Variants in SWAP70 observed in about 807,000 individuals in gnomAD.
SWAP70 encodes the protein switching B cell complex subunit SWAP70.
Under a neutral mutation model 80.2 loss-of-function variants are expected in SWAP70, and 34 were observed. The ratio of observed to expected loss-of-function variants is 0.42; its 90% CI spans 0.32 to 0.56. The LOEUF (loss-of-function observed/expected upper bound fraction) is 0.56, where lower values mean the gene tolerates loss of function less well. SWAP70 is among the 20% of genes least tolerant of loss of function. The pLI is 0.09. For missense variants in SWAP70, 578 were observed against 690.7 expected (o/e 0.84, Z 1.83); for synonymous variants, 239 against 238.5 (o/e 1.00, Z -0.02).
chr11:9,748,387 C>G (rs1233896474), intron 10 of SWAP70, among the ~76,000 whole-genome samples: 12 of 152,238 alleles, frequency 7.9e-5, no homozygotes, highest in African/African-American at 2.9e-4. Context: ...TGAGGCAGAG[C>G]ACCAGGGAGG....
intron 9 of SWAP70, among the ~76,000 whole-genome samples, chr11:9,747,133 C>T (rs983277141): frequency 2.0e-5 from 3 of 152,158 alleles, no homozygotes; most frequent in South Asian, 2.1e-4. Flanking sequence ...TGGGTATTCC[C>T]AGATAGGTAT....
intron 2 of SWAP70, among the ~76,000 whole-genome samples, chr11:9,710,028 TC>T (rs1399565714): frequency 2.0e-5 from 3 of 152,062 alleles, no homozygotes; most frequent in African/African-American, 7.2e-5. Flanking sequence ...AAGGTCTTTA[TC>T]CTCATTGTCT....
At chr11:9,709,772 A>G (rs991318887) in intron 2 of SWAP70, among the ~76,000 whole-genome samples, 7 of 152,200 alleles carry the variant, frequency 4.6e-5, no homozygotes, top group Non-Finnish European at 8.8e-5. Context: ...TACAGGCATG[A>G]GCCACTGTGC....
chr11:9,742,745 C>T (rs1235411182), intron 9 of SWAP70, among the ~76,000 whole-genome samples: 1 of 152,088 alleles, frequency 6.6e-6, no homozygotes, highest in African/African-American at 2.4e-5. Context: ...GTTCTTTGCT[C>T]CTCAGGATAG....
At chr11:9,672,195 C>CTATGTATGTATATA (rs530619499) in intron 1 of SWAP70, among the ~76,000 whole-genome samples, 8 of 78,418 alleles carry the variant, frequency 1.0e-4, no homozygotes, top group Non-Finnish European at 9.3e-5. Context: ...ATGTGTGTGT[C>CTATGTATGTATATA]TATATATATA....
chr11:9,740,629 G>A, intron 9 of SWAP70: 1 of 432,104 alleles, frequency 2.3e-6, no homozygotes, highest in Non-Finnish European at 4.3e-6. Flanking sequence ...AGTCTTATTC[G>A]AGAAAATCCA....
chr11:9,734,110 A>G (rs1388484193), intron 7 of SWAP70, among the ~76,000 whole-genome samples: 1 of 152,192 alleles, frequency 6.6e-6, no homozygotes, highest in Non-Finnish European at 1.5e-5. Flanking sequence ...GAAATTGGAA[A>G]TGCTTCAATG....
chr11:9,676,684 C>G (rs1460981006), intron 1 of SWAP70, among the ~76,000 whole-genome samples: 2 of 141,140 alleles, frequency 1.4e-5, no homozygotes, highest in African/African-American at 2.6e-5. Flanking sequence ...GAGTCTTGCT[C>G]TGTTGCCCAG....
At position 9,732,630 on chromosome 11, in the gene SWAP70, C is replaced by A. The variant is rs1360952045; in HGVS notation, c.1000C>A (p.Gln334Lys). Reference protein sequence around the residue: ...KELRKKQLAEQEELERQMKEL... With the variant: ...KELRKKQLAEKEELERQMKEL... ...ACTCCGGAAGAAGCAGCTGGCTGAA[C>A]AAGAGGAACTGGAGCGACAAATGAA... The change falls in exon 7 of 12, where the codon CAA becomes AAA. Residue 334 changes from glutamine to lysine, a missense_variant. Coordinates refer to ENST00000318950, the MANE Select transcript of SWAP70 (RefSeq NM_015055.4). 1 of 1,587,512 alleles carries A rather than the reference C, an allele frequency of 6.3e-7. No individual in the cohort carries two copies. Among genetic ancestry groups the A allele is most frequent in the Non-Finnish European group, 8.6e-7 (1 of 1,165,068 alleles).
chr11:9,692,816 A>T (rs938073072), intron 1 of SWAP70, among the ~76,000 whole-genome samples: 4 of 152,146 alleles, frequency 2.6e-5, no homozygotes, highest in Admixed American at 1.3e-4. Flanking sequence ...TACTCTTTTC[A>T]TGTGCTTTAC....
intron 1 of SWAP70, among the ~76,000 whole-genome samples, chr11:9,668,824 A>G (rs975418470): frequency 6.6e-5 from 10 of 152,242 alleles, no homozygotes; most frequent in African/African-American, 2.2e-4. Flanking sequence ...TATCTTCACA[A>G]CTTTTGACAC....
At position 9,671,821 on chromosome 11, in the gene SWAP70, T is replaced by C. The variant is rs184030582; in HGVS notation, c.99+7543T>C. On this transcript the variant is annotated intron_variant, in intron 1 of 11. Coordinates refer to ENST00000318950, the MANE Select transcript of SWAP70 (RefSeq NM_015055.4). The stretch of plus-strand genomic sequence containing the variant: ...ATATATATAAATATAAATATATAAA[T>C]ATATAATATAATAATATATAATATA... 6.1e-3 allele frequency among the ~76,000 whole-genome samples: 621 copies of C among 102,156 alleles called. 6 individuals carry two copies. Among genetic ancestry groups the C allele is most frequent in the African/African-American group, 0.024 (595 of 25,110 alleles). The allele number at this position is 102,156 out of a possible 152,430, so 67.0% of individuals were successfully genotyped here.
intron 1 of SWAP70, among the ~76,000 whole-genome samples, chr11:9,674,551 T>G (rs1470057760): frequency 6.6e-6 from 1 of 151,906 alleles, no homozygotes; most frequent in African/African-American, 2.4e-5. Context: ...AATTTAAAAA[T>G]TAGCTGGACA....
At chr11:9,746,198 C>A (rs1373343673) in intron 9 of SWAP70, among the ~76,000 whole-genome samples, 2 of 152,174 alleles carry the variant, frequency 1.3e-5, no homozygotes, top group East Asian at 3.9e-4. Context: ...CATACCCTAG[C>A]TGCCAAGGGG....
Position 9,749,086 on chromosome 11 carries a change from G to A in SWAP70, c.1555-1G>A. On this transcript the variant is annotated splice_acceptor_variant, in intron 10 of 11. Coordinates refer to ENST00000318950, the MANE Select transcript of SWAP70 (RefSeq NM_015055.4). LOFTEE classifies it high-confidence loss of function. ...TAGTCCAAAATCCACTTTTGTTTCA[G>A]GAAGTTAAAAAGAAGCTGGAGATGG... 1 of 1,609,530 alleles carries A rather than the reference G, an allele frequency of 6.2e-7. No homozygotes were observed. Among genetic ancestry groups the A allele is most frequent in the Non-Finnish European group, 8.5e-7 (1 of 1,177,516 alleles).
intron 2 of SWAP70, among the ~76,000 whole-genome samples, chr11:9,700,526 A>G (rs1376853700): frequency 6.6e-6 from 1 of 152,242 alleles, no homozygotes; most frequent in Non-Finnish European, 1.5e-5. Context: ...TCATGTATAC[A>G]TACTGTCTCA....
At chr11:9,710,706 G>A (rs959908807) in intron 2 of SWAP70, among the ~76,000 whole-genome samples, 1 of 134,328 alleles carries the variant, frequency 7.4e-6, no homozygotes, top group African/African-American at 2.8e-5. Context: ...TTTATTAAGT[G>A]TCTTGCCCTG....
intron 1 of SWAP70, among the ~76,000 whole-genome samples, chr11:9,672,195 C>CTATA (rs57590750): frequency 0.18 from 14,259 of 78,124 alleles, 1,701 homozygotes; most frequent in East Asian, 0.25. Context: ...ATGTGTGTGT[C>CTATA]TATATATATA....
intron 9 of SWAP70, among the ~76,000 whole-genome samples, chr11:9,747,095 T>C (rs534539950): frequency 1.3e-5 from 2 of 152,354 alleles, no homozygotes; most frequent in South Asian, 4.1e-4. Context: ...TTTGGCTGTT[T>C]GTTAGTTTAT....
Sources: allele counts gnomAD v4.1 joint callset (sites outside exome capture counted in the v4.1 genomes callset), GRCh38; gene constraint gnomAD v4.1.1; transcripts MANE v1.5; gene names NCBI Gene and HGNC (gene_info 2026-07-23, HGNC 2026-07-21).